The following NAALADL2 variants were observed in gnomAD, a reference collection of about 807,000 sequenced individuals.
NAALADL2 encodes the protein N-acetylated alpha-linked acidic dipeptidase like 2, also known as inactive N-acetylated-alpha-linked acidic dipeptidase-like protein 2.
A neutral mutation model predicts 87.2 loss-of-function variants in NAALADL2; 76 were observed. The observed-to-expected ratio is 0.87, with a 90% CI of 0.72 to 1.05. The LOEUF is 1.05. NAALADL2 is among the 50% of genes least tolerant of loss of function. The pLI is 0.00. For synonymous variants in NAALADL2, 354 were observed against 331.0 expected (o/e 1.07, Z -0.75); for missense variants, 1,089 against 945.8 (o/e 1.15, Z -1.99).
At chr3:175,423,464 T>G (rs1212678167) in intron 5 of NAALADL2, among the ~76,000 whole-genome samples, 5 of 139,052 alleles carry the variant, frequency 3.6e-5, no homozygotes, top group Admixed American at 1.5e-4. Flanking sequence ...CCCCTTCCTG[T>G]GTCCATGTGT....
chr3:175,580,557 T>G (rs1367238547), intron 10 of NAALADL2, among the ~76,000 whole-genome samples: 2 of 152,018 alleles, frequency 1.3e-5, no homozygotes, highest in Non-Finnish European at 2.9e-5. Flanking sequence ...ATGGTTACAT[T>G]TAACTGTGTA....
intron 2 of NAALADL2, among the ~76,000 whole-genome samples, chr3:174,562,082 A>C (rs2108513650): frequency 6.6e-6 from 1 of 152,270 alleles, no homozygotes; most frequent in Middle Eastern, 3.4e-3. Flanking sequence ...TGAATACAGA[A>C]ATATTATTTC....
chr3:175,394,383 A>G (rs895536745), intron 5 of NAALADL2, among the ~76,000 whole-genome samples: 2 of 152,222 alleles, frequency 1.3e-5, no homozygotes, highest in African/African-American at 4.8e-5. Flanking sequence ...TTAGGCGATC[A>G]TATTCTGGAG....
intron 13 of NAALADL2, among the ~76,000 whole-genome samples, chr3:175,781,332 T>C (rs1407279770): frequency 6.6e-6 from 1 of 152,160 alleles, no homozygotes; most frequent in African/African-American, 2.4e-5. Context: ...ACATATACTA[T>C]AGTGGTCTCA....
intron 2 of NAALADL2, among the ~76,000 whole-genome samples, chr3:174,613,892 G>A (rs1720189030): frequency 6.6e-6 from 1 of 152,184 alleles, no homozygotes; most frequent in African/African-American, 2.4e-5. Context: ...TCTTTAGTTA[G>A]CAAGTGATGA....
At chr3:175,084,535 C>A (rs1718489884) in intron 1 of NAALADL2, among the ~76,000 whole-genome samples, 1 of 152,136 alleles carries the variant, frequency 6.6e-6, no homozygotes, top group Admixed American at 6.5e-5. Flanking sequence ...TAATTACAGT[C>A]TGCATAAGAC....
chr3:175,390,677 T>A (rs1384439311), intron 5 of NAALADL2, among the ~76,000 whole-genome samples: 2 of 152,098 alleles, frequency 1.3e-5, no homozygotes, highest in East Asian at 3.9e-4. Context: ...CAAGAGTAGC[T>A]TTTTTTCTGG....
chr3:175,120,747 C>A (rs923065431), intron 2 of NAALADL2, among the ~76,000 whole-genome samples: 1 of 151,690 alleles, frequency 6.6e-6, no homozygotes, highest in Non-Finnish European at 1.5e-5. Context: ...TTATTATTGA[C>A]CCTTTTTGTT....
At chr3:174,465,812 T>A (rs1559999981) in intron 1 of NAALADL2, among the ~76,000 whole-genome samples, 2 of 152,176 alleles carry the variant, frequency 1.3e-5, no homozygotes, top group East Asian at 3.8e-4. Context: ...CACACTTTTT[T>A]TTTAGTATTA....
At chr3:174,481,435 G>C (rs1717542823) in intron 1 of NAALADL2, among the ~76,000 whole-genome samples, 1 of 151,976 alleles carries the variant, frequency 6.6e-6, no homozygotes, top group Non-Finnish European at 1.5e-5. Context: ...TGATTTAAGG[G>C]GAAGAGTGTT....
chr3:175,604,271 A>C (rs529253094), intron 10 of NAALADL2, among the ~76,000 whole-genome samples: 6 of 142,242 alleles, frequency 4.2e-5, no homozygotes, highest in African/African-American at 1.6e-4. Flanking sequence ...ATCTCATTGT[A>C]GTTTCTTTTT....
At chr3:175,113,719 T>C (rs1724595527) in intron 2 of NAALADL2, among the ~76,000 whole-genome samples, 1 of 151,610 alleles carries the variant, frequency 6.6e-6, no homozygotes, top group African/African-American at 2.4e-5. Flanking sequence ...GCAGTGGTTT[T>C]ATAACAGGAG....
intron 2 of NAALADL2, among the ~76,000 whole-genome samples, chr3:175,230,464 A>C (rs950982530): frequency 1.3e-5 from 2 of 152,076 alleles, no homozygotes; most frequent in African/African-American, 4.8e-5. Flanking sequence ...GGCAAAAACA[A>C]GAGCAGTTAT....
chr3:175,368,359 T>C (rs373734872), intron 5 of NAALADL2, among the ~76,000 whole-genome samples: 2 of 152,200 alleles, frequency 1.3e-5, no homozygotes, highest in African/African-American at 4.8e-5. Flanking sequence ...ATCAGGATGA[T>C]GCTGGCCTCA....
intron 3 of NAALADL2, among the ~76,000 whole-genome samples, chr3:174,803,449 T>A (rs1271528404): frequency 7.9e-5 from 12 of 152,210 alleles, no homozygotes; most frequent in Non-Finnish European, 4.4e-5. Flanking sequence ...GATGATAGTT[T>A]CTTTTGCTGT....
At chr3:174,892,494 T>A (rs1235071038) in intron 1 of NAALADL2, among the ~76,000 whole-genome samples, 1 of 151,664 alleles carries the variant, frequency 6.6e-6, no homozygotes. Flanking sequence ...ATCTAGAAAA[T>A]AGCCTCAAAA....
chr3:174,579,697 T>C (rs1467992210), intron 2 of NAALADL2, among the ~76,000 whole-genome samples: 1 of 152,100 alleles, frequency 6.6e-6, no homozygotes, highest in Non-Finnish European at 1.5e-5. Flanking sequence ...TGTATTTCAC[T>C]GTAAACTTTA....
intron 5 of NAALADL2, among the ~76,000 whole-genome samples, chr3:175,328,361 A>T (rs1190806198): frequency 1.3e-5 from 2 of 152,120 alleles, no homozygotes; most frequent in South Asian, 2.1e-4. Context: ...CATTAGATTG[A>T]ACCTGTATAG....
intron 1 of NAALADL2, among the ~76,000 whole-genome samples, chr3:175,028,167 T>C (rs1752426748): frequency 6.6e-6 from 1 of 152,130 alleles, no homozygotes; most frequent in Admixed American, 6.6e-5. Flanking sequence ...TTCTTTTTGA[T>C]GTGTTTGAGT....
Sources: gnomAD v4.1 joint callset for allele counts (sites outside exome capture counted in the v4.1 genomes callset) on GRCh38, gnomAD v4.1.1 for gene constraint, MANE v1.5 for transcripts, NCBI Gene and HGNC (gene_info 2026-07-23, HGNC 2026-07-21) for gene names.